F8: variants seen among roughly 807,000 people sequenced by gnomAD.
F8 encodes coagulation factor VIII.
F8 carries 12 observed loss-of-function variants against 140.6 expected under a neutral mutation model. The ratio of observed to expected loss-of-function variants is 0.09; its 90% confidence interval spans 0.05 to 0.14. The LOEUF (loss-of-function observed/expected upper bound fraction) is 0.14, where lower values mean the gene tolerates loss of function less well. Ranked by LOEUF, F8 falls within the 10% of genes least tolerant of loss-of-function variation. F8 has a pLI of 1.00. For synonymous variants in F8, 585 were observed against 614.6 expected, an observed-to-expected ratio of 0.95 and a Z score of 0.71; for missense variants, 1,354 against 1,720.7, an observed-to-expected ratio of 0.79 and a Z score of 3.77.
chrX:155,013,007 G>A (rs1409243631), intron 1 of F8, among the ~76,000 whole-genome samples: 4 of 108,880 alleles, frequency 3.7e-5, no homozygotes, highest in South Asian at 4.1e-4. Context: ...TTAGCCAGGC[G>A]TGGTGGCGGG....
At chrX:154,931,730 G>A (rs2073200047) in intron 13 of F8, 54 bp from the exon 14 acceptor site, 1 of 1,050,241 alleles carries the variant, frequency 9.5e-7, no homozygotes, top group South Asian at 1.9e-5. Context: ...ATTCTAAAAC[G>A]TTCTGTTAGA....
chrX:155,013,381 C>G (rs1171204299), intron 1 of F8, among the ~76,000 whole-genome samples: 1 of 110,637 alleles, frequency 9.0e-6, no homozygotes, highest in Non-Finnish European at 1.9e-5. Flanking sequence ...GTACAATGCT[C>G]TCTTGTCTGC....
intron 4 of F8, 88 bp downstream of exon 4, chrX:154,992,848 G>A: frequency 8.9e-6 from 8 of 903,776 alleles, no homozygotes; most frequent in Non-Finnish European, 1.3e-5. Context: ...TCAGGTGAAG[G>A]AACACAAATG....
rs781893522 is a variant in F8 at position 154,930,693 on chromosome X, G to A, written c.3097C>T (p.His1033Tyr). Residue 1033 changes from histidine to tyrosine, a missense_variant, in exon 14 of 26, where the codon CAC (histidine) becomes TAC (tyrosine). Physicochemically the swap from His to Tyr is moderately conservative, Grantham distance 83. Around this residue, in one of 4 missense-constraint regions of F8, gnomAD observed 658 missense variants for 666.5 expected, o/e 0.99. Coordinates refer to ENST00000360256, the MANE Select transcript of F8 (RefSeq NM_000132.4). Reference sequence around the variant, plus strand: ...ATTAATAATGATGGGCCATCAATGTGAGTCTTTCTATTAGTTGCTGAATTA... The same window carrying A: ...ATTAATAATGATGGGCCATCAATGTAAGTCTTTCTATTAGTTGCTGAATTA... ...SNNSATNRKT[H>Y]IDGPSLLIEN... The A allele has an allele frequency of 2.5e-6, 3 of 1,209,011 alleles. No homozygotes were observed. The highest frequency in any genetic ancestry group is 3.5e-5 in the South Asian group (2 of 56,537).
chrX:154,947,222 C>A (rs5945123), intron 13 of F8, among the ~76,000 whole-genome samples: 1 of 58,084 alleles, frequency 1.7e-5, no homozygotes, highest in Admixed American at 2.5e-4. Flanking sequence ...GAGACTCCGT[C>A]TGAAAAAAAA....
chrX:154,911,748 C>T (rs2073069396), intron 14 of F8, among the ~76,000 whole-genome samples: 1 of 111,856 alleles, frequency 8.9e-6, no homozygotes, highest in African/African-American at 3.3e-5. Context: ...ATCACATGGT[C>T]GTTCTATTTT....
At chrX:155,022,386 A>G (rs2073764167) in intron 1 of F8, 24 bp downstream of exon 1, 1 of 1,203,533 alleles carries the variant, frequency 8.3e-7, no homozygotes, top group African/African-American at 1.8e-5. Context: ...GGCCCCGATC[A>G]GACCCTACAG....
chrX:154,891,876 C>T (rs1557275201), intron 22 of F8, among the ~76,000 whole-genome samples: 1 of 111,792 alleles, frequency 8.9e-6, no homozygotes, highest in Non-Finnish European at 1.9e-5. Flanking sequence ...TCGTAGTGTC[C>T]AAACAGGGTC....
chrX:154,984,661 G>A (rs781871930), intron 6 of F8, 26 bp downstream of exon 6: 1 of 1,095,444 alleles, frequency 9.1e-7, no homozygotes, highest in Admixed American at 2.2e-5. Context: ...AAGACCCTGA[G>A]GATTGTTGAG....
chrX:154,967,320 G>C (rs1396052586), intron 7 of F8, among the ~76,000 whole-genome samples: 1 of 112,217 alleles, frequency 8.9e-6, no homozygotes, highest in East Asian at 2.8e-4. Context: ...TATTTTAAGA[G>C]CATGTCTGCC....
rs4898401 is a variant in F8, at chrX:154,951,511, C to T, written c.1903+2381G>A. ...TAATACTGTATATATTCTTTTGACACTTACCATTTTACTAAAAATTGTCTT... is the reference window on the plus strand; with the variant it reads ...TAATACTGTATATATTCTTTTGACATTTACCATTTTACTAAAAATTGTCTT... On this transcript the variant is annotated intron_variant, in intron 12 of 25. Coordinates refer to ENST00000360256, the MANE Select transcript of F8 (RefSeq NM_000132.4). 6.7e-3 allele frequency among the ~76,000 whole-genome samples: 752 copies of T among 111,687 alleles called. 7 individuals are homozygous for T. Among genetic ancestry groups the T allele is most frequent in the African/African-American group, 0.022 (690 of 30,763 alleles).
chrX:154,949,914 T>G (rs1265007717), intron 12 of F8, among the ~76,000 whole-genome samples: 2 of 110,752 alleles, frequency 1.8e-5, no homozygotes, highest in Non-Finnish European at 3.8e-5. Flanking sequence ...CTACAGGAGC[T>G]CGCCACCATG....
At chrX:154,889,882 GAT>G (rs2072931643) in intron 22 of F8, among the ~76,000 whole-genome samples, 2 of 75,223 alleles carry the variant, frequency 2.7e-5, no homozygotes, top group Non-Finnish European at 4.4e-5. Context: ...TTCCCAAAAG[GAT>G]AAATGTTGCT....
intron 11 of F8, among the ~76,000 whole-genome samples, chrX:154,955,375 T>A (rs5945259): frequency 2.1e-5 from 2 of 95,358 alleles, no homozygotes; most frequent in South Asian, 5.5e-4. Flanking sequence ...CCCAGGATGG[T>A]CTTGAAATCC....
chrX:155,021,345 A>C, intron 1 of F8, among the ~76,000 whole-genome samples: 1 of 111,616 alleles, frequency 9.0e-6, no homozygotes, highest in Non-Finnish European at 1.9e-5. Context: ...AAGAATATAA[A>C]GTATGTACAA....
chrX:154,998,227 A>G (rs1438042759), intron 2 of F8, among the ~76,000 whole-genome samples: 1 of 112,731 alleles, frequency 8.9e-6, no homozygotes, highest in Non-Finnish European at 1.9e-5. Flanking sequence ...TGCAATTGCA[A>G]GTTCCCTTCC....
intron 12 of F8, among the ~76,000 whole-genome samples, chrX:154,953,594 G>A (rs2073348491): frequency 9.0e-6 from 1 of 111,601 alleles, no homozygotes; most frequent in African/African-American, 3.3e-5. Context: ...GAGAAAATAT[G>A]TCTTAAAATA....
chrX:154,852,095 G>A (rs782739950), intron 25 of F8, among the ~76,000 whole-genome samples: 3 of 111,307 alleles, frequency 2.7e-5, no homozygotes, highest in Admixed American at 1.9e-4. Context: ...TTACAGACAG[G>A]GTCTTGCTCT....
At chrX:154,896,643 C>T (rs1337109224) in intron 21 of F8, among the ~76,000 whole-genome samples, 1 of 111,205 alleles carries the variant, frequency 9.0e-6, no homozygotes, top group Non-Finnish European at 1.9e-5. Context: ...CCAATTTCCT[C>T]CCCTCTCCTG....
Sources: allele counts gnomAD v4.1 joint callset (sites outside exome capture counted in the v4.1 genomes callset), GRCh38; gene constraint gnomAD v4.1.1; regional missense constraint gnomAD v4.1.1; transcripts MANE v1.5; gene names NCBI Gene and HGNC (gene_info 2026-07-23, HGNC 2026-07-21).